The following SNX29 variants were observed in gnomAD, a reference collection of about 807,000 sequenced individuals.
The protein encoded by SNX29 is sorting nexin-29.
Under a neutral mutation model 102.1 loss-of-function variants are expected in SNX29, and 78 were observed. The ratio of observed to expected loss-of-function variants is 0.76; its 90% CI spans 0.64 to 0.92. The LOEUF is 0.92. SNX29 is among the 40% of genes least tolerant of loss of function. The probability of loss-of-function intolerance (pLI) is 0.00; values close to 1 mark genes in which losing one functional copy is unlikely to be tolerated. For missense variants in SNX29, 1,280 were observed against 1,061.7 expected (o/e 1.21, Z -2.86); for synonymous variants, 580 against 414.5 (o/e 1.40, Z -4.85).
intron 14 of SNX29, among the ~76,000 whole-genome samples, chr16:12,220,954 T>C (rs1453162759): frequency 6.6e-6 from 1 of 152,202 alleles, no homozygotes; most frequent in Non-Finnish European, 1.5e-5. Flanking sequence ...GCACATTTTC[T>C]AAAAATGAAT....
chr16:12,224,176 G>A (rs2077549790), intron 14 of SNX29, among the ~76,000 whole-genome samples: 1 of 152,084 alleles, frequency 6.6e-6, no homozygotes. Context: ...AGGTTATTGG[G>A]GCACCTGGCA....
intron 3 of SNX29, among the ~76,000 whole-genome samples, chr16:12,013,859 C>T (rs2056760678): frequency 1.3e-5 from 2 of 151,928 alleles, no homozygotes; most frequent in South Asian, 4.2e-4. Flanking sequence ...CCGTGTTGCC[C>T]AGGCTGGTCT....
chr16:12,016,423 T>G (rs2056851321), intron 3 of SNX29, among the ~76,000 whole-genome samples: 1 of 152,224 alleles, frequency 6.6e-6, no homozygotes, highest in Non-Finnish European at 1.5e-5. Flanking sequence ...AGTCTACCTT[T>G]TTCTTTCTTG....
chr16:12,180,881 T>C (rs978259770), intron 13 of SNX29, among the ~76,000 whole-genome samples: 1 of 152,218 alleles, frequency 6.6e-6, no homozygotes, highest in African/African-American at 2.4e-5. Flanking sequence ...TCGTGTGGTG[T>C]TAGGCATACT....
intron 18 of SNX29, among the ~76,000 whole-genome samples, chr16:12,422,463 A>G (rs987302233): frequency 2.0e-5 from 3 of 152,206 alleles, no homozygotes; most frequent in African/African-American, 7.2e-5. Flanking sequence ...CAGTCTAGCA[A>G]GTAACTTCTT....
intron 20 of SNX29, among the ~76,000 whole-genome samples, chr16:12,563,603 A>C (rs890063975): frequency 3.4e-5 from 3 of 89,182 alleles, no homozygotes; most frequent in African/African-American, 9.5e-5. Flanking sequence ...TGTCTGTATC[A>C]CCACATCTCA....
intron 19 of SNX29, among the ~76,000 whole-genome samples, chr16:12,488,071 A>T (rs1345138429): frequency 1.3e-5 from 2 of 152,208 alleles, no homozygotes; most frequent in African/African-American, 2.4e-5. Flanking sequence ...ATGCATAGGT[A>T]TATATATGTT....
chr16:12,126,667 C>G lies in SNX29; in HGVS notation c.1437C>G (p.Asn479Lys). The G allele has an allele frequency of 1.2e-6, 2 of 1,613,988 alleles. No individual in the cohort carries two copies. The highest frequency in any genetic ancestry group is 1.7e-6 in the Non-Finnish European group (2 of 1,179,892). ...ELRQATVAMMNRKDELEEENR... is the reference protein window; with the variant it reads ...ELRQATVAMMKRKDELEEENR... ...GCCAGGCCACTGTGGCCATGATGAA[C>G]AGGAAGGATGAGCTGGAGGAGGAGA... The change falls in exon 12 of 21, where the codon AAC becomes AAG. Residue 479 changes from asparagine to lysine, a missense_variant. Asn to Lys is a moderately conservative substitution (Grantham distance 94). Coordinates refer to ENST00000566228, the MANE Select transcript of SNX29 (RefSeq NM_032167.5).
chr16:12,537,271 G>A (rs1479887946), intron 20 of SNX29, among the ~76,000 whole-genome samples: 1 of 152,166 alleles, frequency 6.6e-6, no homozygotes. Context: ...TTCACCTCAG[G>A]AAACTGGTTA....
rs151037584 is a variant in SNX29 at position 12,313,735 on chromosome 16, A to G, written c.1782+35699A>G. 2.6e-5 allele frequency among the ~76,000 whole-genome samples: 4 copies of G among 152,342 alleles called. No individual in the cohort carries two copies. In the East Asian group the frequency reaches 5.8e-4, roughly 22 times the overall value. ...CCCCACACCTCACCCCATGCCGGGT[A>G]TGGAGTCTTAATTGCCCCATTGGTA... On this transcript the variant is annotated intron_variant, in intron 15 of 20. Coordinates refer to ENST00000566228, the MANE Select transcript of SNX29 (RefSeq NM_032167.5).
At chr16:12,016,222 G>C (rs7205615) in intron 3 of SNX29, among the ~76,000 whole-genome samples, 144 of 152,280 alleles carry the variant, frequency 9.5e-4, no homozygotes, top group African/African-American at 3.0e-3. Context: ...TGTACAAACA[G>C]TTGCCTGTGG....
intron 20 of SNX29, among the ~76,000 whole-genome samples, chr16:12,539,835 G>A (rs1171240867): frequency 2.0e-5 from 3 of 152,178 alleles, no homozygotes; most frequent in African/African-American, 4.8e-5. Flanking sequence ...CATCCTCTTT[G>A]GGGAAGTAAG....
At chr16:12,388,833 C>G (rs2083426110) in intron 16 of SNX29, among the ~76,000 whole-genome samples, 1 of 152,190 alleles carries the variant, frequency 6.6e-6, no homozygotes, top group Non-Finnish European at 1.5e-5. Flanking sequence ...AACACACTTG[C>G]ACGTAGTGTT....
At chr16:12,272,709 C>T (rs1038917627) in intron 14 of SNX29, among the ~76,000 whole-genome samples, 1 of 152,138 alleles carries the variant, frequency 6.6e-6, no homozygotes, top group Non-Finnish European at 1.5e-5. Context: ...AGCTTTATTA[C>T]AAAAGACAGG....
chr16:12,542,948 G>A (rs547662993), intron 20 of SNX29, among the ~76,000 whole-genome samples: 7 of 152,208 alleles, frequency 4.6e-5, no homozygotes, highest in Non-Finnish European at 7.4e-5. Flanking sequence ...CTTCAAATTA[G>A]CTTGAAGCAG....
chr16:12,107,946 T>TC (rs1161245162), intron 11 of SNX29, among the ~76,000 whole-genome samples: 1 of 152,190 alleles, frequency 6.6e-6, no homozygotes, highest in East Asian at 1.9e-4. Flanking sequence ...CTGTGAGCTT[T>TC]TTTTTTTAAG....
intron 16 of SNX29, among the ~76,000 whole-genome samples, chr16:12,395,162 T>C (rs879781016): frequency 7.2e-5 from 11 of 152,220 alleles, no homozygotes; most frequent in Non-Finnish European, 1.0e-4. Flanking sequence ...GTGGATACTT[T>C]TCATTCTTTT....
intron 20 of SNX29, among the ~76,000 whole-genome samples, chr16:12,566,814 A>T (rs1326416657): frequency 2.6e-5 from 4 of 152,260 alleles, no homozygotes; most frequent in East Asian, 3.8e-4. Flanking sequence ...GATGATTCAG[A>T]GCAGCTCCGG....
chr16:12,140,674 C>A (rs962972397), intron 13 of SNX29, among the ~76,000 whole-genome samples: 1 of 152,140 alleles, frequency 6.6e-6, no homozygotes, highest in Non-Finnish European at 1.5e-5. Flanking sequence ...CGCACCCTGT[C>A]TTGGTGGGTG....
Sources: gnomAD v4.1 joint callset for allele counts (sites outside exome capture counted in the v4.1 genomes callset) on GRCh38, gnomAD v4.1.1 for gene constraint, MANE v1.5 for transcripts, NCBI Gene and HGNC (gene_info 2026-07-23, HGNC 2026-07-21) for gene names.